XKR4: variants seen among roughly 807,000 people sequenced by gnomAD.
The protein encoded by XKR4 is XK-related protein 4.
Under a neutral mutation model 53.9 loss-of-function variants are expected in XKR4, and 12 were observed. That is an observed-to-expected ratio of 0.22 (90% confidence interval 0.14 to 0.36). XKR4 has a LOEUF of 0.36. Ranked by LOEUF, XKR4 falls within the 10% of genes least tolerant of loss-of-function variation. The pLI is 1.00. For missense variants in XKR4, 799 were observed against 859.5 expected (o/e 0.93, Z 0.88); for synonymous variants, 354 against 362.4 (o/e 0.98, Z 0.26).
rs189781969 is a variant in XKR4, at chr8:55,484,142, G to A, written c.1007-39139G>A. Among the ~76,000 whole-genome samples the A allele has an allele frequency of 1.2e-3, 188 of 152,206 alleles. 1 individual carries two copies. The highest frequency in any genetic ancestry group is 4.2e-3 in the African/African-American group (176 of 41,534). Reference sequence around the variant, plus strand: ...ACCCCAACTCACCCAGCATGAAAGAGATGACTTGAATAGCCCCATATCTAT... The same window carrying A: ...ACCCCAACTCACCCAGCATGAAAGAAATGACTTGAATAGCCCCATATCTAT... On this transcript the variant is annotated intron_variant, in intron 2 of 2. Coordinates refer to ENST00000327381, the MANE Select transcript of XKR4 (RefSeq NM_052898.2).
At chr8:55,146,662 C>G (rs1244488931) in intron 1 of XKR4, among the ~76,000 whole-genome samples, 2 of 152,208 alleles carry the variant, frequency 1.3e-5, no homozygotes, top group Non-Finnish European at 2.9e-5. Flanking sequence ...GTATCTTTTT[C>G]ATGTCTTTTA....
chr8:55,512,963 C>T (rs1806651700), intron 2 of XKR4, among the ~76,000 whole-genome samples: 1 of 152,190 alleles, frequency 6.6e-6, no homozygotes, highest in Non-Finnish European at 1.5e-5. Context: ...AATATTGGTG[C>T]CACCTTGTGT....
At chr8:55,374,874 G>T (rs893665168) in intron 2 of XKR4, among the ~76,000 whole-genome samples, 1 of 152,308 alleles carries the variant, frequency 6.6e-6, no homozygotes, top group East Asian at 1.9e-4. Flanking sequence ...TAGTGAAGTG[G>T]CCCAGAGCAC....
chr8:55,212,157 G>A (rs1817740252), intron 1 of XKR4, among the ~76,000 whole-genome samples: 1 of 151,724 alleles, frequency 6.6e-6, no homozygotes, highest in Admixed American at 6.6e-5. Context: ...AGAGACCAAG[G>A]TTCTTATTAT....
intron 1 of XKR4, among the ~76,000 whole-genome samples, chr8:55,260,704 A>T (rs1443859638): frequency 2.0e-5 from 3 of 152,182 alleles, no homozygotes; most frequent in Non-Finnish European, 4.4e-5. Flanking sequence ...TGGTTGGACC[A>T]GGTGTCACAT....
At chr8:55,242,923 T>G (rs1391943898) in intron 1 of XKR4, among the ~76,000 whole-genome samples, 1 of 152,240 alleles carries the variant, frequency 6.6e-6, no homozygotes, top group African/African-American at 2.4e-5. Context: ...CTGAGTCGTG[T>G]AAACTATGAA....
chr8:55,452,651 G>T, intron 2 of XKR4: 1 of 1,429,814 alleles, frequency 7.0e-7, no homozygotes, highest in Non-Finnish European at 9.8e-7. Context: ...CCTTGAGGTG[G>T]TCACTGGTGA....
intron 2 of XKR4, among the ~76,000 whole-genome samples, chr8:55,479,761 C>A (rs1806068347): frequency 6.6e-6 from 1 of 152,162 alleles, no homozygotes; most frequent in South Asian, 2.1e-4. Flanking sequence ...TCAGAGAATA[C>A]TATAAACACC....
At chr8:55,122,404 A>T (rs1816404512) in intron 1 of XKR4, among the ~76,000 whole-genome samples, 1 of 152,244 alleles carries the variant, frequency 6.6e-6, no homozygotes, top group Non-Finnish European at 1.5e-5. Flanking sequence ...TACATGATGC[A>T]TTATGACTAT....
intron 2 of XKR4, among the ~76,000 whole-genome samples, chr8:55,472,417 T>C (rs2129400229): frequency 6.6e-6 from 1 of 152,256 alleles, no homozygotes; most frequent in South Asian, 2.1e-4. Flanking sequence ...TAAAAATAAG[T>C]GATGAACATG....
intron 1 of XKR4, among the ~76,000 whole-genome samples, chr8:55,119,948 G>C (rs536088379): frequency 6.6e-6 from 1 of 152,188 alleles, no homozygotes; most frequent in African/African-American, 2.4e-5. Context: ...GTAAATGCAG[G>C]CTGGGCAATT....
intron 1 of XKR4, among the ~76,000 whole-genome samples, chr8:55,260,711 A>G (rs1818513226): frequency 6.6e-6 from 1 of 152,158 alleles, no homozygotes; most frequent in Non-Finnish European, 1.5e-5. Context: ...ACCAGGTGTC[A>G]CATTTGCATA....
intron 1 of XKR4, among the ~76,000 whole-genome samples, chr8:55,328,291 T>C (rs1050366837): frequency 7.2e-5 from 11 of 152,198 alleles, no homozygotes; most frequent in African/African-American, 2.7e-4. Context: ...CCATACATAA[T>C]ATTACTGAAA....
intron 1 of XKR4, among the ~76,000 whole-genome samples, chr8:55,263,820 C>T (rs1818563184): frequency 6.6e-6 from 1 of 152,184 alleles, no homozygotes; most frequent in African/African-American, 2.4e-5. Context: ...TTGGCTGAAA[C>T]AAACGTCTGA....
At chr8:55,407,268 G>A (rs79790947) in intron 2 of XKR4, among the ~76,000 whole-genome samples, 3,267 of 152,280 alleles carry the variant, frequency 0.021, 42 homozygotes, top group Middle Eastern at 0.037. Context: ...AAATGCAGAG[G>A]AACAGAGGAA....
At chr8:55,443,532 A>G (rs1805300413) in intron 2 of XKR4, among the ~76,000 whole-genome samples, 11 of 42,766 alleles carry the variant, frequency 2.6e-4, no homozygotes, top group African/African-American at 7.7e-4. Flanking sequence ...AGTTACATTA[A>G]AAAAAAAAAA....
chr8:55,202,199 G>T (rs1172051606), intron 1 of XKR4, among the ~76,000 whole-genome samples: 1 of 152,164 alleles, frequency 6.6e-6, no homozygotes, highest in Non-Finnish European at 1.5e-5. Context: ...TTAAAAGTTG[G>T]TGAATACATC....
intron 2 of XKR4, among the ~76,000 whole-genome samples, chr8:55,405,260 A>G (rs1286519613): frequency 6.6e-6 from 1 of 152,162 alleles, no homozygotes; most frequent in Non-Finnish European, 1.5e-5. Flanking sequence ...GGCAGCCTGG[A>G]TGGGCAAGCT....
At chr8:55,409,109 C>G (rs75991568) in intron 2 of XKR4, among the ~76,000 whole-genome samples, 1 of 152,022 alleles carries the variant, frequency 6.6e-6, no homozygotes, top group Admixed American at 6.5e-5. Context: ...GACATAGGAC[C>G]ATGAGGCACA....
Sources: allele counts gnomAD v4.1 joint callset (sites outside exome capture counted in the v4.1 genomes callset), GRCh38; gene constraint gnomAD v4.1.1; transcripts MANE v1.5; gene names NCBI Gene and HGNC (gene_info 2026-07-23, HGNC 2026-07-21).